The following CLXN variants were observed in gnomAD, a reference collection of about 807,000 sequenced individuals.
CLXN encodes EF-hand calcium binding domain 1.
At chr8:48,728,479 A>G in the CLXN span, among the ~76,000 whole-genome samples, 1 of 152,112 alleles carries the variant, frequency 6.6e-6, no homozygotes, top group Non-Finnish European at 1.5e-5. Context: ...CACTCTACAC[A>G]TATCTCTATG....
chr8:48,734,704 C>CTT, the CLXN span: 231 of 174,702 alleles, frequency 1.3e-3, no homozygotes, highest in Admixed American at 3.3e-3. Context: ...TATGTGCGAG[C>CTT]TATAAAGCAG....
At chr8:48,734,983 CCA>C in the CLXN span, 1 of 1,274,742 alleles carries the variant, frequency 7.8e-7, no homozygotes, top group African/African-American at 1.5e-5. Context: ...GGTAGGTAGC[CCA>C]CAGAGTCCCA....
chr8:48,718,876 A>T, the CLXN span, among the ~76,000 whole-genome samples: 1 of 152,092 alleles, frequency 6.6e-6, no homozygotes, highest in Non-Finnish European at 1.5e-5. Context: ...AAAAAACCTA[A>T]CTATACACCT....
chr8:48,735,036 G>T, the CLXN span: 4 of 1,593,718 alleles, frequency 2.5e-6, no homozygotes, highest in African/African-American at 1.3e-5. Flanking sequence ...TTAGCACGGG[G>T]TGGGACCCAG....
At chr8:48,724,871 G>C in the CLXN span, 1 of 1,304,604 alleles carries the variant, frequency 7.7e-7, no homozygotes, top group South Asian at 1.3e-5. Flanking sequence ...TATTCTGTAT[G>C]TCTCCTTAGT....
At chr8:48,712,925 G>A in the CLXN span, among the ~76,000 whole-genome samples, 1 of 150,764 alleles carries the variant, frequency 6.6e-6, no homozygotes, top group Admixed American at 6.6e-5. Context: ...GCTTGAATCT[G>A]GGAGGCAGAG....
At chr8:48,723,337 T>C in the CLXN span, 26 of 152,204 alleles carry the variant, frequency 1.7e-4, no homozygotes, top group Non-Finnish European at 3.2e-4. Context: ...TTACTGCAAA[T>C]AGAAAAATTG....
the CLXN span, among the ~76,000 whole-genome samples, chr8:48,717,113 C>T: frequency 3.6e-4 from 55 of 152,022 alleles, 1 homozygote; most frequent in East Asian, 5.2e-3. Context: ...TGCAGTGAGC[C>T]GAGATTGCAC....
At chr8:48,715,068 T>C in the CLXN span, 1 of 152,296 alleles carries the variant, frequency 6.6e-6, no homozygotes, top group East Asian at 1.9e-4. Flanking sequence ...AATATGATCA[T>C]CTGAAAAATA....
At chr8:48,729,267 G>A in the CLXN span, 3 of 763,306 alleles carry the variant, frequency 3.9e-6, no homozygotes, top group Non-Finnish European at 6.2e-6. Context: ...GCTCAGGCCT[G>A]TAATCATAGC....
chr8:48,731,832 G>A, the CLXN span, among the ~76,000 whole-genome samples: 361 of 152,160 alleles, frequency 2.4e-3, no homozygotes, highest in African/African-American at 8.5e-3. Flanking sequence ...ACTAAAGAAT[G>A]GTAACTTTTT....
chr8:48,725,806 AAAATAAATAAAT>A, the CLXN span, among the ~76,000 whole-genome samples: 27 of 149,584 alleles, frequency 1.8e-4, 1 homozygote, highest in South Asian at 1.1e-3. Context: ...CTCCGTCTCA[AAAATAAATAAAT>A]AAATAAATAA....
chr8:48,712,990 CAAAAAAA>C, the CLXN span, among the ~76,000 whole-genome samples: 1 of 99,556 alleles, frequency 1.0e-5, no homozygotes, highest in African/African-American at 4.7e-5. Context: ...ACTCCTCTGT[CAAAAAAA>C]AAAAAAAAAA....
chr8:48,725,800 G>A, the CLXN span, among the ~76,000 whole-genome samples: 33 of 146,576 alleles, frequency 2.3e-4, no homozygotes, highest in South Asian at 4.3e-4. Context: ...GCAAAACTCC[G>A]TCTCAAAAAT....
the CLXN span, chr8:48,716,100 T>A: frequency 6.6e-6 from 1 of 152,068 alleles, no homozygotes; most frequent in African/African-American, 2.4e-5. Context: ...CATGGCGGGA[T>A]GCAAGTCCCG....
At chr8:48,726,480 CCATT>C in the CLXN span, among the ~76,000 whole-genome samples, 4 of 133,208 alleles carry the variant, frequency 3.0e-5, no homozygotes, top group Non-Finnish European at 4.9e-5. Flanking sequence ...TCTCATCCAT[CCATT>C]CATCCATCCA....
At chr8:48,715,130 T>A in the CLXN span, 1 of 152,236 alleles carries the variant, frequency 6.6e-6, no homozygotes, top group African/African-American at 2.4e-5. Context: ...ATTGTAAAAG[T>A]CTGGAAGGAT....
the CLXN span, among the ~76,000 whole-genome samples, chr8:48,728,236 C>G: frequency 6.6e-6 from 1 of 152,200 alleles, no homozygotes; most frequent in Admixed American, 6.5e-5. Flanking sequence ...ACCAAAACCT[C>G]GTCCAGTGCA....
the CLXN span, among the ~76,000 whole-genome samples, chr8:48,734,261 A>G: frequency 6.6e-6 from 1 of 152,184 alleles, no homozygotes; most frequent in Non-Finnish European, 1.5e-5. Context: ...TAGTTTTGCA[A>G]TTAGCACACA....
Sources: allele counts gnomAD v4.1 joint callset (sites outside exome capture counted in the v4.1 genomes callset), GRCh38; gene constraint gnomAD v4.1.1; transcripts MANE v1.5; gene names NCBI Gene and HGNC (gene_info 2026-07-23, HGNC 2026-07-21).